Variants in MELK observed in about 807,000 individuals in gnomAD.
MELK encodes the protein pEg3 kinase.
In MELK, 81 loss-of-function variants were observed where a neutral mutation model predicts 85.0. The observed-to-expected ratio is 0.95, with a 90% CI of 0.80 to 1.15. The LOEUF (loss-of-function observed/expected upper bound fraction) is 1.15. Among genes scored for constraint, MELK ranks in the 50% most tolerant of loss-of-function variants. The probability of loss-of-function intolerance (pLI) is 0.00; values close to 1 mark genes in which losing one functional copy is unlikely to be tolerated. For missense variants in MELK, 754 were observed against 777.5 expected (o/e 0.97, Z 0.36); for synonymous variants, 252 against 265.0 (o/e 0.95, Z 0.48).
intron 1 of MELK, among the ~76,000 whole-genome samples, chr9:36,575,606 AAG>A: frequency 6.6e-6 from 1 of 152,198 alleles, no homozygotes; most frequent in Non-Finnish European, 1.5e-5. Flanking sequence ...GGAAGAAAGA[AAG>A]AAAAAAAAAA....
chr9:36,641,584 G>A (rs550323295), intron 10 of MELK, among the ~76,000 whole-genome samples: 2 of 150,820 alleles, frequency 1.3e-5, no homozygotes, highest in African/African-American at 4.9e-5. Context: ...TCCCTCACTC[G>A]GGCTGCCATA....
Position 36,643,645 on chromosome 9 carries a change from AAAC to A in MELK, c.921+566_921+568del, listed in dbSNP as rs535380910. 2.0e-3 allele frequency among the ~76,000 whole-genome samples: 303 copies of A among 152,020 alleles called. 1 individual carries two copies. Among genetic ancestry groups the A allele is most frequent in the Non-Finnish European group, 2.0e-3 (135 of 67,952 alleles). On this transcript the variant is annotated intron_variant, in intron 11 of 17. Coordinates refer to ENST00000298048, the MANE Select transcript of MELK (RefSeq NM_014791.4). Reference sequence around the variant, plus strand: ...GAATTACAGTGAAAAAATAATTAAGAAACAACTGGCCGGGCACGGTGGCTCACG... The same window carrying A: ...GAATTACAGTGAAAAAATAATTAAGAAACTGGCCGGGCACGGTGGCTCACG...
chr9:36,615,508 C>A, intron 8 of MELK, among the ~76,000 whole-genome samples: 1 of 138,802 alleles, frequency 7.2e-6, no homozygotes, highest in African/African-American at 2.8e-5. Context: ...CCCCCCACCT[C>A]CCTCCCGGAC....
At chr9:36,626,982 G>T (rs963204370) in intron 8 of MELK, among the ~76,000 whole-genome samples, 1 of 136,470 alleles carries the variant, frequency 7.3e-6, no homozygotes, top group Non-Finnish European at 1.6e-5. Flanking sequence ...AAAAAAAAAA[G>T]AAAAGAAGTA....
chr9:36,669,520 T>C (rs1434913772), intron 15 of MELK, 114 bp downstream of exon 15: 1 of 735,672 alleles, frequency 1.4e-6, no homozygotes, highest in African/African-American at 1.8e-5. Context: ...TGTTGGAGAG[T>C]AGGAATATCT....
intron 7 of MELK, among the ~76,000 whole-genome samples, chr9:36,606,393 T>C (rs1379604222): frequency 4.0e-5 from 5 of 123,774 alleles, no homozygotes; most frequent in African/African-American, 1.2e-4. Context: ...ATATAATATA[T>C]ACATATGTAT....
At chr9:36,633,746 A>G (rs1329231047) in intron 10 of MELK, among the ~76,000 whole-genome samples, 1 of 152,216 alleles carries the variant, frequency 6.6e-6, no homozygotes, top group African/African-American at 2.4e-5. Flanking sequence ...ATTGTTTTAC[A>G]ACTTTGCAAA....
At chr9:36,593,804 G>A (rs1330768589) in intron 4 of MELK, among the ~76,000 whole-genome samples, 1 of 152,128 alleles carries the variant, frequency 6.6e-6, no homozygotes, top group African/African-American at 2.4e-5. Flanking sequence ...CGATTCTCCT[G>A]CCTCAGTCTC....
At chr9:36,626,818 G>A (rs748675173) in intron 8 of MELK, among the ~76,000 whole-genome samples, 2 of 151,786 alleles carry the variant, frequency 1.3e-5, no homozygotes, top group Non-Finnish European at 2.9e-5. Flanking sequence ...AATTAGCTGG[G>A]GGTGGTGGCA....
intron 3 of MELK, among the ~76,000 whole-genome samples, 162 bp downstream of exon 3, chr9:36,583,874 G>A (rs906994953): frequency 6.6e-6 from 1 of 152,170 alleles, no homozygotes; most frequent in Non-Finnish European, 1.5e-5. Context: ...TGGGGGAAGG[G>A]ATTACTTTGT....
At chr9:36,648,579 C>T (rs1343666552) in intron 11 of MELK, among the ~76,000 whole-genome samples, 1 of 152,212 alleles carries the variant, frequency 6.6e-6, no homozygotes, top group African/African-American at 2.4e-5. Context: ...GCAAAGTCTT[C>T]ATATTGAACA....
intron 10 of MELK, among the ~76,000 whole-genome samples, chr9:36,637,935 A>G (rs1355248805): frequency 6.6e-6 from 1 of 152,214 alleles, no homozygotes; most frequent in African/African-American, 2.4e-5. Context: ...TCTAACAGCA[A>G]CCACACCAAG....
chr9:36,600,164 G>A (rs2135595452), intron 7 of MELK, among the ~76,000 whole-genome samples: 1 of 151,880 alleles, frequency 6.6e-6, no homozygotes, highest in Non-Finnish European at 1.5e-5. Context: ...CGCGATCTTG[G>A]CTCACTGCAA....
intron 8 of MELK, among the ~76,000 whole-genome samples, chr9:36,619,841 C>G (rs1362007160): frequency 6.6e-6 from 1 of 152,184 alleles, no homozygotes; most frequent in African/African-American, 2.4e-5. Flanking sequence ...TTGTTTCCCC[C>G]CTCCAAATGG....
intron 8 of MELK, among the ~76,000 whole-genome samples, chr9:36,623,691 C>T (rs746278848): frequency 2.0e-4 from 30 of 152,366 alleles, no homozygotes; most frequent in Non-Finnish European, 3.7e-4. Flanking sequence ...CCTCAGAATG[C>T]CTTTAGCCTT....
chr9:36,599,467 A>C lies in MELK; in HGVS notation c.548A>C (p.Lys183Thr). Residue 183 changes from lysine to threonine, a missense_variant, in exon 7 of 18, where the codon AAA (lysine) becomes ACA (threonine). By Grantham distance (78) the Lys-to-Thr change is moderately conservative. Transcript: ENST00000298048. ...AYAAPELIQGKSYLGSEADVW... is the reference protein window; with the variant it reads ...AYAAPELIQGTSYLGSEADVW... The stretch of plus-strand genomic sequence containing the variant: ...GCAGCACCTGAGTTAATACAAGGCA[A>C]ATCATATCTTGGATCAGAGGTAATT... 6.2e-7 allele frequency: 1 copy of C among 1,611,612 alleles called. No homozygotes were observed. The highest frequency in any genetic ancestry group is 8.5e-7 in the Non-Finnish European group (1 of 1,177,822).
intron 8 of MELK, among the ~76,000 whole-genome samples, chr9:36,615,050 G>A (rs2136036632): frequency 6.9e-6 from 1 of 145,242 alleles, no homozygotes; most frequent in East Asian, 2.1e-4. Context: ...GGACGGGGCA[G>A]CTGGCCGGGC....
chr9:36,616,387 C>CTTTTTTTTTT (rs60212848), intron 8 of MELK, among the ~76,000 whole-genome samples: 29 of 114,624 alleles, frequency 2.5e-4, no homozygotes, highest in African/African-American at 8.0e-4. Context: ...ATGTCAAACT[C>CTTTTTTTTTT]TTTTTTTTTT....
chr9:36,615,498 C>T (rs1410488106), intron 8 of MELK, among the ~76,000 whole-genome samples: 2 of 138,906 alleles, frequency 1.4e-5, no homozygotes, highest in African/African-American at 5.5e-5. Flanking sequence ...GGGCTGACCC[C>T]CCCCCACCTC....
Sources: allele counts gnomAD v4.1 joint callset (sites outside exome capture counted in the v4.1 genomes callset), GRCh38; gene constraint gnomAD v4.1.1; transcripts MANE v1.5; gene names NCBI Gene and HGNC (gene_info 2026-07-23, HGNC 2026-07-21).